The following PTPRD variants were observed in gnomAD, a reference collection of about 807,000 sequenced individuals.
The protein encoded by PTPRD is receptor-type tyrosine-protein phosphatase delta.
Under a neutral mutation model 214.5 loss-of-function variants are expected in PTPRD, and 34 were observed. The observed-to-expected ratio is 0.16, with a 90% CI of 0.12 to 0.21. The LOEUF (loss-of-function observed/expected upper bound fraction) is 0.21, where lower values mean the gene tolerates loss of function less well. PTPRD is among the 10% of genes least tolerant of loss of function. PTPRD has a pLI of 1.00. For missense variants in PTPRD, 2,545 were observed against 2,398.7 expected (o/e 1.06, Z -1.27); for synonymous variants, 1,128 against 845.7 (o/e 1.33, Z -5.79).
intron 3 of PTPRD, among the ~76,000 whole-genome samples, chr9:10,083,898 C>T (rs1264391142): frequency 6.6e-6 from 1 of 151,870 alleles, no homozygotes; most frequent in Non-Finnish European, 1.5e-5. Context: ...GCTATTTGGC[C>T]CAGTTCCTAA....
intron 2 of PTPRD, among the ~76,000 whole-genome samples, chr9:10,529,023 T>A (rs903544710): frequency 6.6e-6 from 1 of 152,174 alleles, no homozygotes; most frequent in African/African-American, 2.4e-5. Flanking sequence ...GTGAAGCTCC[T>A]AGTTTAGTTT....
rs566570698 is a variant in PTPRD at position 9,372,839 on chromosome 9, T to C, written c.-203+24610A>G. On this transcript the variant is annotated intron_variant, in intron 9 of 45. Coordinates refer to ENST00000381196, the MANE Select transcript of PTPRD (RefSeq NM_002839.4). ...ACAAAATCTCTCAGCATTTGCTTGT[T>C]TGTAAAGTATTTTATTTCTCCTTCA... Among the ~76,000 whole-genome samples the C allele has an allele frequency of 5.9e-5, 9 of 152,098 alleles. No individual in the cohort carries two copies. The East Asian group carries it at 1.6e-3, about 26-fold the overall frequency.
chr9:10,389,420 A>G (rs1407919), intron 2 of PTPRD, among the ~76,000 whole-genome samples: 2 of 151,732 alleles, frequency 1.3e-5, no homozygotes, highest in East Asian at 1.9e-4. Context: ...GTTACTGATA[A>G]CCACTCAAGC....
intron 11 of PTPRD, among the ~76,000 whole-genome samples, chr9:8,940,709 C>A (rs1362721294): frequency 6.6e-6 from 1 of 152,030 alleles, no homozygotes; most frequent in Non-Finnish European, 1.5e-5. Flanking sequence ...GTTGGAGACA[C>A]TCTCCATCTT....
chr9:10,187,180 C>T (rs1382638622), intron 3 of PTPRD, among the ~76,000 whole-genome samples: 2 of 151,930 alleles, frequency 1.3e-5, no homozygotes, highest in South Asian at 2.1e-4. Flanking sequence ...GGTTAAAATG[C>T]TGTGTTTTTT....
At chr9:8,552,311 G>A (rs1364876637) in intron 14 of PTPRD, among the ~76,000 whole-genome samples, 1 of 152,192 alleles carries the variant, frequency 6.6e-6, no homozygotes, top group East Asian at 1.9e-4. Context: ...GGCGGTGCCT[G>A]TCAAAAAGGG....
intron 5 of PTPRD, among the ~76,000 whole-genome samples, chr9:9,906,165 G>C (rs1470816344): frequency 1.3e-5 from 2 of 151,838 alleles, no homozygotes; most frequent in Admixed American, 6.6e-5. Context: ...AGAGTGTCAG[G>C]CTCTAGTAAG....
intron 4 of PTPRD, among the ~76,000 whole-genome samples, chr9:9,943,156 T>C (rs1015793915): frequency 1.3e-5 from 2 of 152,156 alleles, no homozygotes; most frequent in African/African-American, 4.8e-5. Context: ...ATATTAGATC[T>C]GTTTTAACCC....
intron 42 of PTPRD, among the ~76,000 whole-genome samples, chr9:8,339,347 T>A (rs1027703299): frequency 3.3e-4 from 50 of 152,124 alleles, no homozygotes; most frequent in African/African-American, 1.0e-3. Flanking sequence ...AGCATCTTCA[T>A]ACCTACAAGT....
chr9:10,592,149 A>G (rs1567106599), intron 2 of PTPRD, among the ~76,000 whole-genome samples: 1 of 152,032 alleles, frequency 6.6e-6, no homozygotes, highest in Non-Finnish European at 1.5e-5. Flanking sequence ...TTATTTTGCC[A>G]AAACATCCTA....
chr9:9,330,140 G>A (rs920614438), intron 9 of PTPRD, among the ~76,000 whole-genome samples: 5 of 152,052 alleles, frequency 3.3e-5, no homozygotes, highest in African/African-American at 1.2e-4. Context: ...ACCCTGCCAT[G>A]CCATCTGACC....
rs576484953 is a variant in PTPRD at position 8,500,483 on chromosome 9, G to A, written c.2128+271C>T. 4.1e-5 allele frequency among the ~76,000 whole-genome samples: 6 copies of A among 145,612 alleles called. No individual in the cohort carries two copies. The South Asian group carries it at 1.3e-3, about 32-fold the overall frequency. ...ACTTTAGATGGAGGCACAGAGACGG[G>A]CTGGACTGCAAGACCATAGGAGCCA... On this transcript the variant is annotated intron_variant, in intron 24 of 45. Transcript: ENST00000381196.
intron 10 of PTPRD, among the ~76,000 whole-genome samples, chr9:9,035,546 TC>T (rs1201734253): frequency 6.7e-6 from 1 of 148,880 alleles, no homozygotes; most frequent in Non-Finnish European, 1.5e-5. Context: ...CATAGGGTGT[TC>T]CCCCCACCCC....
chr9:9,818,317 T>C (rs1234275265), intron 5 of PTPRD, among the ~76,000 whole-genome samples: 2 of 152,104 alleles, frequency 1.3e-5, no homozygotes, highest in Admixed American at 1.3e-4. Flanking sequence ...TTTTAAAGCC[T>C]GGTGAGGGAG....
At chr9:10,268,046 T>A (rs768799317) in intron 3 of PTPRD, among the ~76,000 whole-genome samples, 64 of 151,474 alleles carry the variant, frequency 4.2e-4, no homozygotes, top group African/African-American at 1.5e-3. Context: ...TTTGGGATGC[T>A]GTGGCAGAAT....
At position 9,492,719 on chromosome 9, in the gene PTPRD, G is replaced by A. The variant is rs535524354; in HGVS notation, c.-237+82013C>T. Among the ~76,000 whole-genome samples, 17 of 151,088 alleles carry A rather than the reference G, an allele frequency of 1.1e-4. No homozygotes were observed. The South Asian group carries it at 3.6e-3, about 32-fold the overall frequency. ...ATGGTTCACTTTATTGCACTTCACAGATTTTTTTTTTTCCAGATTGGAGGT... is the reference window on the plus strand; with the variant it reads ...ATGGTTCACTTTATTGCACTTCACAAATTTTTTTTTTTCCAGATTGGAGGT... On this transcript the variant is annotated intron_variant, in intron 8 of 45. Transcript: ENST00000381196.
intron 8 of PTPRD, among the ~76,000 whole-genome samples, chr9:9,422,159 T>C (rs4342663): frequency 0.56 from 84,377 of 151,904 alleles, 23,777 homozygotes; most frequent in Admixed American, 0.62. Flanking sequence ...TTGTTCACTA[T>C]TCACAAATAT....
intron 11 of PTPRD, among the ~76,000 whole-genome samples, chr9:8,907,517 C>CAAA (rs60277757): frequency 1.6e-3 from 130 of 79,428 alleles, no homozygotes; most frequent in Admixed American, 1.8e-3. Flanking sequence ...GACTCCGTCT[C>CAAA]AAAAAAAAAA....
intron 7 of PTPRD, among the ~76,000 whole-genome samples, chr9:9,724,670 G>C (rs1189246611): frequency 2.0e-5 from 3 of 152,094 alleles, no homozygotes; most frequent in African/African-American, 7.2e-5. Context: ...GAAGGATGAA[G>C]GTGATAAAAA....
Sources: gnomAD v4.1 joint callset for allele counts (sites outside exome capture counted in the v4.1 genomes callset) on GRCh38, gnomAD v4.1.1 for gene constraint, MANE v1.5 for transcripts, NCBI Gene and HGNC (gene_info 2026-07-23, HGNC 2026-07-21) for gene names.